The following PLAA variants were observed in gnomAD, a reference collection of about 807,000 sequenced individuals.
PLAA encodes the protein phospholipase A-2-activating protein.
Under a neutral mutation model 84.1 loss-of-function variants are expected in PLAA, and 48 were observed. The ratio of observed to expected loss-of-function variants is 0.57; its 90% CI spans 0.45 to 0.73. PLAA has a LOEUF of 0.73. Ranked by LOEUF, PLAA falls within the 30% of genes least tolerant of loss-of-function variation. The pLI, the probability that PLAA is intolerant of heterozygous loss-of-function variation, is 0.00. For missense variants in PLAA, 903 were observed against 954.7 expected (o/e 0.95, Z 0.71); for synonymous variants, 392 against 336.6 (o/e 1.16, Z -1.80).
intron 2 of PLAA, among the ~76,000 whole-genome samples, chr9:26,932,643 T>C (rs1825223453): frequency 6.6e-6 from 1 of 152,216 alleles, no homozygotes; most frequent in Non-Finnish European, 1.5e-5. Context: ...ATGAAGGATG[T>C]ATTTATAAAT....
Position 26,947,096 on chromosome 9 carries a change from C to A in PLAA, c.-51G>T. On this transcript the variant is annotated 5_prime_UTR_variant, in exon 1 of 14. Coordinates refer to ENST00000397292, the MANE Select transcript of PLAA (RefSeq NM_001031689.3). ...GCCCAGGCACTGTGCGAGACCAGTCCGCAGGGGCGACTCGGAGAGCGCCGG... is the reference window on the plus strand; with the variant it reads ...GCCCAGGCACTGTGCGAGACCAGTCAGCAGGGGCGACTCGGAGAGCGCCGG... 2.1e-6 allele frequency: 3 copies of A among 1,439,484 alleles called. No homozygotes were observed. The highest frequency in any genetic ancestry group is 2.7e-6 in the Non-Finnish European group (3 of 1,094,226). 89.2% of individuals were successfully genotyped at this position (1,439,484 alleles called of 1,614,324 possible). A position where few individuals can be genotyped will look rare whatever the true frequency, so the allele number is the denominator to read the frequency against.
At chr9:26,906,423 C>CTT (rs35324777) in intron 13 of PLAA, among the ~76,000 whole-genome samples, 2,023 of 94,882 alleles carry the variant, frequency 0.021, 54 homozygotes, top group African/African-American at 0.058. Flanking sequence ...AGGGAAAGTT[C>CTT]TTTTTTTTTT....
intron 9 of PLAA, 76 bp downstream of exon 9, chr9:26,919,234 T>G: frequency 1.2e-6 from 1 of 837,234 alleles, no homozygotes; most frequent in South Asian, 1.8e-5. Flanking sequence ...GCTAATCACA[T>G]GACTATTTGA....
At chr9:26,925,365 C>T (rs1369818521) in intron 6 of PLAA, among the ~76,000 whole-genome samples, 2 of 152,246 alleles carry the variant, frequency 1.3e-5, no homozygotes, top group Non-Finnish European at 2.9e-5. Flanking sequence ...TACCTATTAT[C>T]TCAGCATTAG....
At position 26,907,916 on chromosome 9, in the gene PLAA, C is replaced by G; in HGVS notation, c.1740G>C (p.Leu580=). The change falls in exon 13 of 14, where the codon CTG becomes CTC. Residue 580 remains leucine (L), a synonymous_variant. Transcript: ENST00000397292. ...EDDLILLEKI[L]SLICNSSSEK... ...CTGAAGAACTATTACATATTAGAGACAGTATCTTCTCAAGAAGTATCAAGT... is the reference window on the plus strand; with the variant it reads ...CTGAAGAACTATTACATATTAGAGAGAGTATCTTCTCAAGAAGTATCAAGT... 2 of 1,611,150 alleles carry G rather than the reference C, an allele frequency of 1.2e-6. No homozygotes were observed. The highest frequency in any genetic ancestry group is 1.7e-6 in the Non-Finnish European group (2 of 1,178,926).
chr9:26,910,400 T>C lies in PLAA; in HGVS notation c.1595A>G (p.Asn532Ser). 1 of 1,613,448 alleles carries C rather than the reference T, an allele frequency of 6.2e-7. No individual in the cohort carries two copies. The highest frequency in any genetic ancestry group is 1.1e-5 in the South Asian group (1 of 91,074). Residue 532 changes from asparagine to serine, a missense_variant, in exon 12 of 14, where the codon AAT becomes AGT. Transcript: ENST00000397292. ...AYRSAASKTM[N>S]IYFPKKEAVT... ...AGCCTCTTTTTTAGGGAAATAAATA[T>C]TCATTGTTTTAGATGCAGCTGATCG...
intron 1 of PLAA, among the ~76,000 whole-genome samples, chr9:26,941,694 T>C (rs915855762): frequency 2.6e-5 from 4 of 151,534 alleles, no homozygotes; most frequent in African/African-American, 4.9e-5. Context: ...GTATAAGATA[T>C]TGCAACCATG....
chr9:26,906,554 A>C (rs148307072), intron 13 of PLAA, among the ~76,000 whole-genome samples: 2,311 of 151,354 alleles, frequency 0.015, 20 homozygotes, highest in Non-Finnish European at 0.022. Flanking sequence ...CAGCCTCCCA[A>C]GTAGCTGGAA....
intron 2 of PLAA, among the ~76,000 whole-genome samples, chr9:26,928,917 G>T (rs780197647): frequency 6.6e-6 from 1 of 152,226 alleles, no homozygotes; most frequent in Non-Finnish European, 1.5e-5. Context: ...GAAAAATTAT[G>T]CCAGGCACAG....
rs754593946 is a variant in PLAA, at chr9:26,919,467, A to G, written c.1260T>C (p.Tyr420=). The G allele has an allele frequency of 1.1e-5, 17 of 1,611,378 alleles. No homozygotes were observed. The highest frequency in any genetic ancestry group is 1.4e-5 in the Non-Finnish European group (17 of 1,177,734). The change falls in exon 9 of 14, where the codon TAT becomes TAC. Residue 420 remains tyrosine, a synonymous_variant. Transcript: ENST00000397292. Reference sequence around the variant, plus strand: ...TTAACCAAGGGTCATCACTGGTATTATATGGCAATTTATATGATGGTCCAC... The same window carrying G: ...TTAACCAAGGGTCATCACTGGTATTGTATGGCAATTTATATGATGGTCCAC... ...NEGGPSYKLP[Y]NTSDDPWLTA...
intron 12 of PLAA, among the ~76,000 whole-genome samples, chr9:26,909,772 C>T (rs543641120): frequency 1.3e-5 from 2 of 152,092 alleles, no homozygotes; most frequent in Non-Finnish European, 2.9e-5. Flanking sequence ...TACAGGCGCC[C>T]ACCACCACGC....
Position 26,919,460 on chromosome 9 carries a change from T to C in PLAA, c.1267A>G (p.Ser423Gly). The change falls in exon 9 of 14, where the codon AGT becomes GGT. Residue 423 changes from serine (S) to glycine (G), a missense_variant. Transcript: ENST00000397292. ...TATGCAGTTAACCAAGGGTCATCAC[T>C]GGTATTATATGGCAATTTATATGAT... ...GPSYKLPYNT[S>G]DDPWLTAYNF... 1 of 1,611,174 alleles carries C rather than the reference T, an allele frequency of 6.2e-7. No individual in the cohort carries two copies. The highest frequency in any genetic ancestry group is 1.1e-5 in the South Asian group (1 of 90,986).
chr9:26,939,791 A>G (rs943260288), intron 1 of PLAA, among the ~76,000 whole-genome samples: 5 of 152,116 alleles, frequency 3.3e-5, no homozygotes, highest in African/African-American at 1.2e-4. Context: ...TCAAAAAAAG[A>G]AAACAAGAGA....
intron 1 of PLAA, among the ~76,000 whole-genome samples, chr9:26,939,281 G>A (rs537615177): frequency 3.3e-5 from 5 of 151,970 alleles, no homozygotes; most frequent in African/African-American, 7.2e-5. Context: ...CCAGCTACTC[G>A]GGAGGCTGAG....
At position 26,905,442 on chromosome 9, in the gene PLAA, T is replaced by G; in HGVS notation, c.*69A>C. ...GTATTCTCTTTTTTTAATTATCTGTTATCAGTCATGTCAAATGTGAGGAAA... is the reference window on the plus strand; with the variant it reads ...GTATTCTCTTTTTTTAATTATCTGTGATCAGTCATGTCAAATGTGAGGAAA... On this transcript the variant is annotated 3_prime_UTR_variant, in exon 14 of 14. Transcript: ENST00000397292. 1 of 1,121,222 alleles carries G rather than the reference T, an allele frequency of 8.9e-7. No homozygotes were observed. The highest frequency in any genetic ancestry group is 1.6e-5 in the African/African-American group (1 of 63,890). 69.5% of individuals were successfully genotyped at this position (1,121,222 alleles called of 1,614,324 possible).
intron 6 of PLAA, 131 bp from the exon 7 acceptor site, chr9:26,923,478 G>T: frequency 1.5e-6 from 1 of 676,030 alleles, no homozygotes; most frequent in Non-Finnish European, 2.5e-6. Flanking sequence ...ATTAATTGCT[G>T]ATTACAGCAC....
intron 12 of PLAA, among the ~76,000 whole-genome samples, chr9:26,909,867 G>T (rs370454364): frequency 6.6e-6 from 1 of 152,000 alleles, no homozygotes; most frequent in South Asian, 2.1e-4. Flanking sequence ...TAGGCAGTCC[G>T]CCCGCCTTGG....
intron 2 of PLAA, among the ~76,000 whole-genome samples, chr9:26,930,533 T>G (rs565192839): frequency 6.6e-6 from 1 of 152,208 alleles, no homozygotes; most frequent in African/African-American, 2.4e-5. Context: ...TTAATCCATG[T>G]TGAACATGTA....
rs1224585613 is a variant in PLAA, at chr9:26,920,499, T to A, written c.1040-115A>T. 1.7e-5 allele frequency: 10 copies of A among 592,790 alleles called. No homozygotes were observed. The African/African-American group carries it at 1.9e-4, about 11-fold the overall frequency. The allele number at this position is 592,790 out of a possible 1,614,324, so 36.7% of individuals were successfully genotyped here. A position where few individuals can be genotyped will look rare whatever the true frequency, so the allele number is the denominator to read the frequency against. Reference sequence around the variant, plus strand: ...CACATAAGAGAATATGGATTTTGTTTCAAAATAAAATTGTATCAAATAAAA... The same window carrying A: ...CACATAAGAGAATATGGATTTTGTTACAAAATAAAATTGTATCAAATAAAA... On this transcript the variant is annotated intron_variant, in intron 7 of 13. Transcript: ENST00000397292.
Sources: allele counts gnomAD v4.1 joint callset (sites outside exome capture counted in the v4.1 genomes callset), GRCh38; gene constraint gnomAD v4.1.1; transcripts MANE v1.5; gene names NCBI Gene and HGNC (gene_info 2026-07-23, HGNC 2026-07-21).